Variants in BBC3 observed in about 807,000 individuals in gnomAD.
BBC3 encodes the protein BCL2 binding component 3.
In BBC3, 5 loss-of-function variants were observed where a neutral mutation model predicts 18.2. The ratio of observed to expected loss-of-function variants is 0.27; its 90% CI spans 0.14 to 0.58. The LOEUF (loss-of-function observed/expected upper bound fraction) is 0.58. BBC3 is among the 20% of genes least tolerant of loss of function. The pLI is 0.91. For missense variants in BBC3, 224 were observed against 268.9 expected (o/e 0.83, Z 1.17); for synonymous variants, 119 against 128.0 (o/e 0.93, Z 0.47).
In BBC3 at chr19:47,221,745, G is replaced by A. The variant is rs762793628; in HGVS notation, c.*57C>T. ...TCCCCCGCGCTGGCCAGGGTGTCAG[G>A]AGGTGGGAGGGGCCTGCCCCCCGAG... On this transcript the variant is annotated 3_prime_UTR_variant, in exon 4 of 4. Coordinates refer to ENST00000439096, the MANE Select transcript of BBC3 (RefSeq NM_014417.5). The A allele has an allele frequency of 7.5e-6, 12 of 1,604,728 alleles. No individual in the cohort carries two copies. The Admixed American group carries it at 1.1e-4, about 14-fold the overall frequency.
In BBC3 at chr19:47,230,226, C is replaced by T. The variant is rs770452978; in HGVS notation, c.-16+703G>A. On this transcript the variant is annotated intron_variant, in intron 1 of 3. Transcript: ENST00000439096. This position sits in a 1 kb window ranked among gnomAD's most constrained non-coding sequence, Gnocchi z 6.7. ...AGGCGCGGGGACTCACGCAGACACC[C>T]CGACGGGTCAGAAACCCCAACATTC... is the stretch of plus-strand genomic sequence containing the variant. 6.6e-6 allele frequency among the ~76,000 whole-genome samples: 1 copy of T among 152,040 alleles called. No homozygotes were observed. Among genetic ancestry groups the T allele is most frequent in the Admixed American group, 6.5e-5 (1 of 15,274 alleles).
intron 3 of BBC3, among the ~76,000 whole-genome samples, chr19:47,226,328 C>G (rs1247583211): frequency 1.3e-5 from 2 of 150,352 alleles, no homozygotes; most frequent in African/African-American, 2.5e-5. Flanking sequence ...GCGGCCTAGT[C>G]CCTGGCCCTG....
chr19:47,221,966 T>A, intron 3 of BBC3, 48 bp from the exon 4 acceptor site: 1 of 1,508,846 alleles, frequency 6.6e-7, no homozygotes, highest in Non-Finnish European at 9.0e-7. Context: ...CTGAGTATGG[T>A]GATGGGAGTG....
Position 47,221,260 on chromosome 19 carries a change from T to G in BBC3, c.*542A>C. 5.7e-6 allele frequency: 1 copy of G among 174,776 alleles called. No individual in the cohort carries two copies. The highest frequency in any genetic ancestry group is 1.2e-4 in the South Asian group (1 of 8,598). The allele number at this position is 174,776 out of a possible 1,614,324, so 10.8% of individuals were successfully genotyped here. On this transcript the variant is annotated 3_prime_UTR_variant, in exon 4 of 4. Coordinates refer to ENST00000439096, the MANE Select transcript of BBC3 (RefSeq NM_014417.5). ...CGCCGGCTGGCTCAGGGAAGATGGC[T>G]GGGCGCCGGGCTGGAGCAACCGGCA...
In BBC3 at chr19:47,221,430, C is replaced by CCA; in HGVS notation, c.*371_*372insTG. On this transcript the variant is annotated 3_prime_UTR_variant, in exon 4 of 4. Coordinates refer to ENST00000439096, the MANE Select transcript of BBC3 (RefSeq NM_014417.5). The stretch of plus-strand genomic sequence containing the variant: ...TGAAGGAGCACCGAGAGGAGAGCCC[C>CCA]CCCCTCCCAGTGTCACCCCTGCAGC... The CCA allele has an allele frequency of 4.0e-6, 1 of 250,616 alleles. No individual in the cohort carries two copies. Among genetic ancestry groups the CCA allele is most frequent in the Non-Finnish European group, 7.2e-6 (1 of 139,742 alleles). The allele number at this position is 250,616 out of a possible 1,614,324, so 15.5% of individuals were successfully genotyped here.
chr19:47,228,251 C>T lies in BBC3; in HGVS notation c.181G>A (p.Ala61Thr). The stretch of plus-strand genomic sequence containing the variant: ...GTGACGGCGGGTGGGGCGGTGGGGG[C>T]GCAGAGGTAGGCAGCGGGCAGCAGG... ...PTLLPAAYLC[A>T]PTAPPAVTAA... Residue 61 changes from alanine to threonine, a missense_variant, in exon 2 of 4, where the codon GCC (alanine) becomes ACC (threonine). Physicochemically the swap from Ala to Thr is moderately conservative, Grantham distance 58. Transcript: ENST00000439096. This position sits in a 1 kb window ranked among gnomAD's most constrained non-coding sequence, Gnocchi z 5.5. The T allele has an allele frequency of 2.5e-6, 3 of 1,204,938 alleles. No homozygotes were observed. The highest frequency in any genetic ancestry group is 3.1e-6 in the Non-Finnish European group (3 of 970,862). 74.6% of individuals were successfully genotyped at this position (1,204,938 alleles called of 1,614,324 possible).
chr19:47,228,546 GGT>G lies in BBC3; in HGVS notation c.-15-102_-15-101del, dbSNP rs1053540999. 9.0e-7 allele frequency: 1 copy of G among 1,117,222 alleles called. No individual in the cohort carries two copies. Among genetic ancestry groups the G allele is most frequent in the Non-Finnish European group, 1.1e-6 (1 of 886,326 alleles). 69.2% of individuals were successfully genotyped at this position (1,117,222 alleles called of 1,614,324 possible). Reference sequence around the variant, plus strand: ...TAGGACCCAGATGGAGAAGAGTGGAGGTGTGTGTGCATGCGGAGGGGGTGACG... The same window carrying G: ...TAGGACCCAGATGGAGAAGAGTGGAGGTGTGTGCATGCGGAGGGGGTGACG... On this transcript the variant is annotated intron_variant, in intron 1 of 3. Coordinates refer to ENST00000439096, the MANE Select transcript of BBC3 (RefSeq NM_014417.5). The surrounding 1 kb of genome is among the most constrained non-coding windows in gnomAD (Gnocchi z 5.5).
rs1042761069 is a variant in BBC3 at position 47,230,148 on chromosome 19, C to A, written c.-16+781G>T. Among the ~76,000 whole-genome samples the A allele has an allele frequency of 2.0e-5, 3 of 152,130 alleles. No homozygotes were observed. The highest frequency in any genetic ancestry group is 3.9e-4 in the East Asian group (2 of 5,158). On this transcript the variant is annotated intron_variant, in intron 1 of 3. Coordinates refer to ENST00000439096, the MANE Select transcript of BBC3 (RefSeq NM_014417.5). This position sits in a 1 kb window ranked among gnomAD's most constrained non-coding sequence, Gnocchi z 6.7. Reference sequence around the variant, plus strand: ...AGACAACTCTCACCGACAACACACGCAGGTCCACCCACCCCACAAGCAGGG... The same window carrying A: ...AGACAACTCTCACCGACAACACACGAAGGTCCACCCACCCCACAAGCAGGG...
In BBC3 at chr19:47,226,553, C is replaced by T; in HGVS notation, c.465+11G>A. ...GTCCCACCTGCCGTCTACCCCACCC[C>T]CAGCACTCACCCGCCGCTCGTACTG... On this transcript the variant is annotated intron_variant, in intron 3 of 3. Transcript: ENST00000439096. 1.9e-6 allele frequency: 3 copies of T among 1,540,888 alleles called. No individual in the cohort carries two copies. The highest frequency in any genetic ancestry group is 2.6e-6 in the Non-Finnish European group (3 of 1,144,728).
intron 3 of BBC3, among the ~76,000 whole-genome samples, chr19:47,226,181 G>C (rs2058815850): frequency 6.6e-6 from 1 of 151,598 alleles, no homozygotes; most frequent in Admixed American, 6.6e-5. Context: ...GGCCGCGCGA[G>C]AGGGACGGCA....
chr19:47,226,301 C>T (rs957545429), intron 3 of BBC3, among the ~76,000 whole-genome samples: 1 of 151,666 alleles, frequency 6.6e-6, no homozygotes, highest in Non-Finnish European at 1.5e-5. Flanking sequence ...GCCACGGGCG[C>T]GCAGCTCCAC....
At chr19:47,222,391 GC>G (rs1251061647) in intron 3 of BBC3, 2 of 152,996 alleles carry the variant, frequency 1.3e-5, no homozygotes, top group Non-Finnish European at 2.9e-5. Context: ...TCTAGGCAAC[GC>G]CGAGTGAAAC....
chr19:47,226,670 G>A lies in BBC3; in HGVS notation c.359C>T (p.Thr120Ile). The change falls in exon 3 of 4, where the codon ACC becomes ATC. Residue 120 changes from threonine (T) to isoleucine (I), a missense_variant. Coordinates refer to ENST00000439096, the MANE Select transcript of BBC3 (RefSeq NM_014417.5). ...CCCGCGGACTCCCGGGGCCGCCTGG[G>A]TGGGACCGCCCGCCAGAGCCCCCGG... The part of the protein sequence containing the change: ...SAPGALAGGP[T>I]QAAPGVRGEE... The A allele has an allele frequency of 6.6e-7, 1 of 1,512,368 alleles. No homozygotes were observed. Among genetic ancestry groups the A allele is most frequent in the Non-Finnish European group, 8.8e-7 (1 of 1,131,890 alleles). 93.7% of individuals were successfully genotyped at this position (1,512,368 alleles called of 1,614,324 possible).
chr19:47,223,218 C>T (rs1282689165), intron 3 of BBC3, among the ~76,000 whole-genome samples: 5 of 151,638 alleles, frequency 3.3e-5, no homozygotes, highest in African/African-American at 9.7e-5. Context: ...TTGCAGTGAG[C>T]CGAGATGGCG....
At chr19:47,225,703 G>C (rs926771864) in intron 3 of BBC3, among the ~76,000 whole-genome samples, 1 of 152,112 alleles carries the variant, frequency 6.6e-6, no homozygotes, top group African/African-American at 2.4e-5. Context: ...TGAATCTGAA[G>C]CCTAATATTG....
rs1480167680 is a variant in BBC3 at position 47,228,399 on chromosome 19, C to T, written c.33G>A (p.Pro11=). Residue 11 remains proline, a synonymous_variant, in exon 2 of 4, where the codon CCG becomes CCA. Transcript: ENST00000439096. The surrounding 1 kb of genome is among the most constrained non-coding windows in gnomAD (Gnocchi z 5.5). MARARQEGSS[P]EPVEGLARDG... is the part of the protein sequence containing the mutation. The stretch of plus-strand genomic sequence containing the variant: ...CGCGGGCCAGGCCCTCTACGGGCTC[C>T]GGGGAGCTGCCCTCCTGGCGTGCGC... The T allele has an allele frequency of 1.1e-5, 14 of 1,231,622 alleles. No individual in the cohort carries two copies. The highest frequency in any genetic ancestry group is 8.5e-5 in the Admixed American group (2 of 23,662). 76.3% of individuals were successfully genotyped at this position (1,231,622 alleles called of 1,614,324 possible).
At chr19:47,226,306 C>T (rs947181482) in intron 3 of BBC3, among the ~76,000 whole-genome samples, 1 of 151,718 alleles carries the variant, frequency 6.6e-6, no homozygotes, top group African/African-American at 2.4e-5. Context: ...GGGCGCGCAG[C>T]TCCACTCCTC....
chr19:47,225,310 A>C (rs973449986), intron 3 of BBC3, among the ~76,000 whole-genome samples: 3 of 151,962 alleles, frequency 2.0e-5, no homozygotes, highest in Non-Finnish European at 4.4e-5. Context: ...CGCCTCCCAA[A>C]GGGCTGGGAT....
Position 47,228,836 on chromosome 19 carries a change from CG to C in BBC3, c.-15-391del, listed in dbSNP as rs2058874374. Among the ~76,000 whole-genome samples, 2 of 151,876 alleles carry C rather than the reference CG, an allele frequency of 1.3e-5. No individual in the cohort carries two copies. The highest frequency in any genetic ancestry group is 2.9e-5 in the Non-Finnish European group (2 of 67,956). ...GGGGACAACTTTCCCAACACAGCGA[CG>C]GGCACACAGGGAGGGCAGTGAGGCA... On this transcript the variant is annotated intron_variant, in intron 1 of 3. Coordinates refer to ENST00000439096, the MANE Select transcript of BBC3 (RefSeq NM_014417.5). This position sits in a 1 kb window ranked among gnomAD's most constrained non-coding sequence, Gnocchi z 5.5.
Sources: allele counts gnomAD v4.1 joint callset (sites outside exome capture counted in the v4.1 genomes callset), GRCh38; gene constraint gnomAD v4.1.1; non-coding constraint Gnocchi (gnomAD v3.1); transcripts MANE v1.5; gene names NCBI Gene and HGNC (gene_info 2026-07-23, HGNC 2026-07-21).